PSIP1: variants seen among roughly 807,000 people sequenced by gnomAD.
PSIP1 encodes PC4 and SFRS1-interacting protein.
In PSIP1, 19 loss-of-function variants were observed where a neutral mutation model predicts 74.7. That is an observed-to-expected ratio of 0.25 (90% CI 0.18 to 0.37). PSIP1 has a LOEUF of 0.37. Ranked by LOEUF, PSIP1 falls within the 10% of genes least tolerant of loss-of-function variation. PSIP1 has a pLI of 1.00. For missense variants in PSIP1, 601 were observed against 614.3 expected, an observed-to-expected ratio of 0.98 and a Z score of 0.23; for synonymous variants, 222 against 195.3, an observed-to-expected ratio of 1.14 and a Z score of -1.14.
At chr9:15,470,860 G>T (rs920543662) in intron 10 of PSIP1, 11 of 1,053,908 alleles carry the variant, frequency 1.0e-5, no homozygotes, top group Non-Finnish European at 2.3e-6. Flanking sequence ...TTTTCTAGAT[G>T]AATAATGTAC....
At chr9:15,468,306 CA>C in intron 14 of PSIP1, 2 of 568,982 alleles carry the variant, frequency 3.5e-6, no homozygotes, top group Admixed American at 3.8e-5. Flanking sequence ...AAAACAGAAG[CA>C]GCTGAGCAAC....
chr9:15,466,954 C>A, intron 14 of PSIP1, 95 bp from the exon 15 acceptor site: 1 of 867,208 alleles, frequency 1.2e-6, no homozygotes, highest in South Asian at 1.5e-5. Context: ...TACAACATGG[C>A]CATCGTGTTT....
chr9:15,500,536 A>G (rs2037293329), intron 3 of PSIP1, among the ~76,000 whole-genome samples: 1 of 152,212 alleles, frequency 6.6e-6, no homozygotes, highest in South Asian at 2.1e-4. Context: ...GAGAAACCAT[A>G]CAAGTCCCAC....
intron 6 of PSIP1, among the ~76,000 whole-genome samples, chr9:15,482,289 A>G (rs188692396): frequency 4.6e-4 from 68 of 146,788 alleles, no homozygotes; most frequent in African/African-American, 1.7e-3. Context: ...GCCTGCTGGG[A>G]AAAAAAAAAT....
At chr9:15,467,904 A>T (rs2665511) in intron 14 of PSIP1, among the ~76,000 whole-genome samples, 1 of 151,950 alleles carries the variant, frequency 6.6e-6, no homozygotes, top group East Asian at 1.9e-4. Context: ...GTGGATTACC[A>T]TAGGTCGGGA....
At position 15,478,659 on chromosome 9, in the gene PSIP1, GCTT is replaced by G. The variant is rs745447493; in HGVS notation, c.554-110_554-108del. ...TACATACTATTTAAGAATATTAGTA[GCTT>G]ATTACAGATACAATTATTGCTAAAT... On this transcript the variant is annotated intron_variant, in intron 7 of 15. Transcript: ENST00000380733. 184 of 718,928 alleles carry G rather than the reference GCTT, an allele frequency of 2.6e-4. 1 individual carries two copies. The highest frequency in any genetic ancestry group is 4.1e-4 in the Non-Finnish European group (176 of 430,872). The allele number at this position is 718,928 out of a possible 1,614,324, so 44.5% of individuals were successfully genotyped here. A position where few individuals can be genotyped will look rare whatever the true frequency, so the allele number is the denominator to read the frequency against.
chr9:15,485,102 A>G (rs545411625), intron 6 of PSIP1, among the ~76,000 whole-genome samples: 20 of 152,256 alleles, frequency 1.3e-4, no homozygotes, highest in African/African-American at 4.8e-4. Flanking sequence ...AAAATTTTTT[A>G]AAAGGAGGTA....
At chr9:15,504,523 G>C (rs947785026) in intron 3 of PSIP1, among the ~76,000 whole-genome samples, 12 of 152,068 alleles carry the variant, frequency 7.9e-5, no homozygotes, top group African/African-American at 2.9e-4. Context: ...AGATCACGAG[G>C]TCAGGAGATC....
chr9:15,509,298 A>G (rs979680412), intron 2 of PSIP1, among the ~76,000 whole-genome samples: 2 of 152,236 alleles, frequency 1.3e-5, no homozygotes, highest in African/African-American at 4.8e-5. Flanking sequence ...CTTAGGTCCT[A>G]TCTATCTCTG....
intron 3 of PSIP1, among the ~76,000 whole-genome samples, chr9:15,498,477 A>C (rs1430095514): frequency 6.6e-6 from 1 of 152,016 alleles, no homozygotes; most frequent in Non-Finnish European, 1.5e-5. Flanking sequence ...TGAACTCTTA[A>C]TGAGACTCAA....
chr9:15,468,164 A>AGTCT (rs2035710694), intron 14 of PSIP1, among the ~76,000 whole-genome samples: 1 of 151,626 alleles, frequency 6.6e-6, no homozygotes, highest in East Asian at 1.9e-4. Flanking sequence ...AATACTGTGA[A>AGTCT]GTCTGTTCAG....
chr9:15,487,073 C>T (rs149702731), intron 4 of PSIP1, 142 bp from the exon 5 acceptor site: 25 of 491,846 alleles, frequency 5.1e-5, no homozygotes, highest in African/African-American at 3.2e-4. Context: ...TTATGGTTCA[C>T]TGAAGCCTCA....
intron 15 of PSIP1, 146 bp from the exon 16 acceptor site, chr9:15,465,726 C>T: frequency 1.7e-6 from 1 of 595,918 alleles, no homozygotes; most frequent in Non-Finnish European, 2.9e-6. Flanking sequence ...GTTATTAGAA[C>T]AGTCATTATT....
chr9:15,472,669 G>C lies in PSIP1; in HGVS notation c.940C>G (p.Arg314Gly), dbSNP rs747229063. The C allele has an allele frequency of 1.2e-6, 2 of 1,604,968 alleles. No homozygotes were observed. The highest frequency in any genetic ancestry group is 1.7e-6 in the Non-Finnish European group (2 of 1,177,814). The change falls in exon 10 of 16, where the codon CGA becomes GGA. Residue 314 changes from arginine (R) to glycine (G), a missense_variant. Physicochemically the swap from Arg to Gly is moderately radical, Grantham distance 125. This residue lies in a region of PSIP1 where 538 missense variants were observed against 507.6 expected (regional missense o/e 1.06). Coordinates refer to ENST00000380733, the MANE Select transcript of PSIP1 (RefSeq NM_033222.5). ...ATTTGTTCCTCTTGCTTGCGTTTTCGATCTGCTGCTTCTTTCTCATGTTGG... is the reference window on the plus strand; with the variant it reads ...ATTTGTTCCTCTTGCTTGCGTTTTCCATCTGCTGCTTCTTTCTCATGTTGG... ...KGQHEKEAAD[R>G]KRKQEEQMET...
At chr9:15,480,972 T>C (rs912871714) in intron 6 of PSIP1, among the ~76,000 whole-genome samples, 5 of 152,200 alleles carry the variant, frequency 3.3e-5, no homozygotes, top group Non-Finnish European at 5.9e-5. Flanking sequence ...CTTCTACGAA[T>C]GTATCCATTT....
chr9:15,477,446 TTTA>T (rs1298855588), intron 8 of PSIP1, among the ~76,000 whole-genome samples: 1 of 152,210 alleles, frequency 6.6e-6, no homozygotes, highest in East Asian at 1.9e-4. Flanking sequence ...AGTGAAACTC[TTTA>T]AACATATTTT....
chr9:15,475,274 A>C (rs1157483966), intron 8 of PSIP1, among the ~76,000 whole-genome samples: 1 of 152,148 alleles, frequency 6.6e-6, no homozygotes, highest in Non-Finnish European at 1.5e-5. Context: ...CTTTACTTTT[A>C]ATAAATGAAA....
rs775663694 is a variant in PSIP1, at chr9:15,479,643, T to C, written c.501A>G (p.Thr167=). The change falls in exon 7 of 16, where the codon ACA becomes ACG. Residue 167 remains threonine, a synonymous_variant. Coordinates refer to ENST00000380733, the MANE Select transcript of PSIP1 (RefSeq NM_033222.5). ...CTTTTAGATTAACAGATGCTGTTGC[T>C]GTTGTCACTACTCCTGCCTCCTCAG... ...VETEEAGVVT[T]ATASVNLKVS... The C allele has an allele frequency of 6.2e-7, 1 of 1,611,868 alleles. No homozygotes were observed. The highest frequency in any genetic ancestry group is 8.5e-7 in the Non-Finnish European group (1 of 1,179,104).
intron 14 of PSIP1, among the ~76,000 whole-genome samples, chr9:15,468,158 CT>C (rs2035710324): frequency 6.6e-6 from 1 of 150,532 alleles, no homozygotes; most frequent in South Asian, 2.1e-4. Context: ...GGCATTAATA[CT>C]GTGAAGTCTG....
Sources: allele counts gnomAD v4.1 joint callset (sites outside exome capture counted in the v4.1 genomes callset), GRCh38; gene constraint gnomAD v4.1.1; regional missense constraint gnomAD v4.1.1; transcripts MANE v1.5; gene names NCBI Gene and HGNC (gene_info 2026-07-23, HGNC 2026-07-21).